Variants in RNF145 observed in about 807,000 individuals in gnomAD.
RNF145 encodes the protein ring finger protein 145.
RNF145 carries 12 observed loss-of-function variants against 57.3 expected under a neutral mutation model. The ratio of observed to expected loss-of-function variants is 0.21; its 90% CI spans 0.13 to 0.34. The LOEUF is 0.34. RNF145 is among the 10% of genes least tolerant of loss of function. The probability of loss-of-function intolerance (pLI) is 1.00; values close to 1 mark genes in which losing one functional copy is unlikely to be tolerated. For synonymous variants in RNF145, 262 were observed against 288.3 expected (o/e 0.91, Z 0.92); for missense variants, 429 against 799.0 (o/e 0.54, Z 5.58).
chr5:159,171,856 A>G (rs1784570920), intron 6 of RNF145, among the ~76,000 whole-genome samples: 1 of 152,246 alleles, frequency 6.6e-6, no homozygotes, highest in South Asian at 2.1e-4. Context: ...AACCAATATG[A>G]GAACTTCTCA....
chr5:159,168,946 C>A lies in RNF145; in HGVS notation c.1048G>T (p.Val350Leu). ...AACATAGACTGTAGGATAGAAGCTA[C>A]GACAATGAAAAGGATAATACTGAGC... ...FLLSIILFIV[V>L]ASILQSMLEI... is the part of the protein sequence containing the mutation. Residue 350 changes from valine to leucine, a missense_variant, in exon 8 of 11, where the codon GTA becomes TTA. Physicochemically the swap from Val to Leu is conservative, Grantham distance 32 (BLOSUM62 1). Around this residue, in one of 4 missense-constraint regions of RNF145, gnomAD observed 216 missense variants for 457.6 expected, o/e 0.47. Transcript: ENST00000424310. 1 of 1,608,920 alleles carries A rather than the reference C, an allele frequency of 6.2e-7. No homozygotes were observed. Among genetic ancestry groups the A allele is most frequent in the Non-Finnish European group, 8.5e-7 (1 of 1,178,636 alleles).
chr5:159,194,153 C>T (rs556472075), intron 3 of RNF145, among the ~76,000 whole-genome samples: 1 of 152,332 alleles, frequency 6.6e-6, no homozygotes, highest in East Asian at 1.9e-4. Flanking sequence ...ATTCACTCCA[C>T]ATGGCTGCAT....
chr5:159,206,718 A>G lies in RNF145; in HGVS notation c.-40+2513T>C, dbSNP rs1301137604. Among the ~76,000 whole-genome samples, 4 of 152,290 alleles carry G rather than the reference A, an allele frequency of 2.6e-5. No homozygotes were observed. The East Asian group carries it at 7.7e-4, about 29-fold the overall frequency. Reference sequence around the variant, plus strand: ...AATATTCTCTTGAAAACAAAATAATACCAAATAATCCTAGAAAATAAGCAG... The same window carrying G: ...AATATTCTCTTGAAAACAAAATAATGCCAAATAATCCTAGAAAATAAGCAG... On this transcript the variant is annotated intron_variant, in intron 1 of 10. Coordinates refer to ENST00000424310, the MANE Select transcript of RNF145 (RefSeq NM_001199383.2).
At chr5:159,160,975 T>C (rs1340068391) in intron 10 of RNF145, among the ~76,000 whole-genome samples, 1 of 152,200 alleles carries the variant, frequency 6.6e-6, no homozygotes, top group Non-Finnish European at 1.5e-5. Context: ...TGTGAGTGTG[T>C]ATTCAGGAGT....
chr5:159,187,604 G>A (rs1438815036), intron 3 of RNF145, among the ~76,000 whole-genome samples: 1 of 152,144 alleles, frequency 6.6e-6, no homozygotes, highest in African/African-American at 2.4e-5. Context: ...TGGGACTACA[G>A]GCGTGTGCCA....
At chr5:159,170,735 T>C (rs774648460) in intron 6 of RNF145, among the ~76,000 whole-genome samples, 1 of 152,154 alleles carries the variant, frequency 6.6e-6, no homozygotes, top group Admixed American at 6.5e-5. Context: ...GCTAAGACCG[T>C]AAGAGCGTGC....
intron 1 of RNF145, chr5:159,207,581 G>C (rs953020922): frequency 6.3e-7 from 1 of 1,593,920 alleles, no homozygotes; most frequent in African/African-American, 1.4e-5. Flanking sequence ...GGTTAGGATG[G>C]TAGGCCTCAC....
chr5:159,188,246 G>A (rs1378391406), intron 3 of RNF145, among the ~76,000 whole-genome samples: 2 of 152,018 alleles, frequency 1.3e-5, no homozygotes, highest in Non-Finnish European at 2.9e-5. Context: ...AATTAGCTGG[G>A]CATGGTGGCA....
In RNF145 at chr5:159,209,408, AGGCAGC is replaced by A. The variant is rs70987958; in HGVS notation, c.-223_-218del. ...TCGGATGTTGCTTCTGGGGAGGCGG[AGGCAGC>A]GGCAGCGGCAGCGGCCCGGCCCGTA... On this transcript the variant is annotated 5_prime_UTR_variant, in exon 1 of 11. Coordinates refer to ENST00000424310, the MANE Select transcript of RNF145 (RefSeq NM_001199383.2). 184,564 of 985,198 alleles carry A rather than the reference AGGCAGC, an allele frequency of 0.19. 17,851 individuals are homozygous for A. The highest frequency in any genetic ancestry group is 0.2 in the Non-Finnish European group (166,031 of 829,514). The allele number at this position is 985,198 out of a possible 1,614,324, so 61.0% of individuals were successfully genotyped here.
chr5:159,168,937 T>C lies in RNF145; in HGVS notation c.1057A>G (p.Ile353Val), dbSNP rs372287053. The change falls in exon 8 of 11, where the codon ATC (isoleucine) becomes GTC (valine). Residue 353 changes from isoleucine (I) to valine (V), a missense_variant. Coordinates refer to ENST00000424310, the MANE Select transcript of RNF145 (RefSeq NM_001199383.2). ...GCAATTTCTAACATAGACTGTAGGA[T>C]AGAAGCTACGACAATGAAAAGGATA... ...SIILFIVVAS[I>V]LQSMLEIADP... 17 of 1,606,838 alleles carry C rather than the reference T, an allele frequency of 1.1e-5. No homozygotes were observed. The African/African-American group carries it at 1.5e-4, about 14-fold the overall frequency.
chr5:159,169,467 C>T (rs1784480472), intron 7 of RNF145, among the ~76,000 whole-genome samples: 2 of 152,146 alleles, frequency 1.3e-5, no homozygotes, highest in Admixed American at 6.5e-5. Flanking sequence ...GCCCAATATT[C>T]ATCATAATGT....
rs1784484153 is a variant in RNF145, at chr5:159,169,604, A to G, written c.938+75T>C. 3 of 1,272,886 alleles carry G rather than the reference A, an allele frequency of 2.4e-6. No homozygotes were observed. In the South Asian group the frequency reaches 5.1e-5, roughly 22 times the overall value. 78.8% of individuals were successfully genotyped at this position (1,272,886 alleles called of 1,614,324 possible). A position where few individuals can be genotyped will look rare whatever the true frequency, so the allele number is the denominator to read the frequency against. On this transcript the variant is annotated intron_variant, in intron 7 of 10. Coordinates refer to ENST00000424310, the MANE Select transcript of RNF145 (RefSeq NM_001199383.2). Reference sequence around the variant, plus strand: ...CCATTTCTTCTAAAATTCATCAGCCAAAGAAATTCATCATTACTTCCTCAA... The same window carrying G: ...CCATTTCTTCTAAAATTCATCAGCCGAAGAAATTCATCATTACTTCCTCAA...
chr5:159,161,533 A>G lies in RNF145; in HGVS notation c.1359T>C (p.Tyr453=). The G allele has an allele frequency of 1.2e-6, 2 of 1,614,058 alleles. No individual in the cohort carries two copies. The highest frequency in any genetic ancestry group is 1.7e-6 in the Non-Finnish European group (2 of 1,179,950). ...PVENMDDVIY[Y]VNGTYRLLEF... is the part of the protein sequence containing the mutation. ...CCAGCAGGCGGTAAGTGCCATTCAC[A>G]TAGTAGATGACATCATCCATGTTTT... Residue 453 remains tyrosine, a synonymous_variant, in exon 10 of 11, where the codon TAT becomes TAC. Transcript: ENST00000424310.
chr5:159,186,191 C>T (rs1394324232), intron 3 of RNF145, among the ~76,000 whole-genome samples: 2 of 151,920 alleles, frequency 1.3e-5, no homozygotes, highest in Non-Finnish European at 2.9e-5. Flanking sequence ...TGCACCACTG[C>T]ACTCCAGCCT....
chr5:159,182,238 T>C (rs1212129122), intron 3 of RNF145, among the ~76,000 whole-genome samples, 187 bp from the exon 4 acceptor site: 1 of 152,098 alleles, frequency 6.6e-6, no homozygotes, highest in Non-Finnish European at 1.5e-5. Flanking sequence ...ACACAACTTA[T>C]TGAAATGGAA....
chr5:159,163,324 C>T (rs1180482276), intron 8 of RNF145, among the ~76,000 whole-genome samples: 1 of 152,204 alleles, frequency 6.6e-6, no homozygotes, highest in Non-Finnish European at 1.5e-5. Flanking sequence ...AGTTTGCTTT[C>T]AATTGCTACT....
Position 159,181,940 on chromosome 5 carries a change from A to T in RNF145, c.385+20T>A. ...ACTGGTCGGTTCCTACCTACACTTT[A>T]ATTCTTTTATAATACTTACCTATTA... On this transcript the variant is annotated intron_variant, in intron 4 of 10. Transcript: ENST00000424310. 1 of 1,416,810 alleles carries T rather than the reference A, an allele frequency of 7.1e-7. No individual in the cohort carries two copies. The highest frequency in any genetic ancestry group is 1.0e-6 in the Non-Finnish European group (1 of 1,004,798). 87.8% of individuals were successfully genotyped at this position (1,416,810 alleles called of 1,614,324 possible).
rs1279355389 is a variant in RNF145, at chr5:159,199,196, CT to C, written c.184+4237del. On this transcript the variant is annotated intron_variant, in intron 2 of 10. Coordinates refer to ENST00000424310, the MANE Select transcript of RNF145 (RefSeq NM_001199383.2). ...TGGAATCACAGAGGAAGAACATCAACTCCAGACTACAGTGGTCAAAAAGCAA... is the reference window on the plus strand; with the variant it reads ...TGGAATCACAGAGGAAGAACATCAACCCAGACTACAGTGGTCAAAAAGCAA... Among the ~76,000 whole-genome samples the C allele has an allele frequency of 2.2e-4, 33 of 152,102 alleles. 2 individuals carry two copies. The highest frequency in any genetic ancestry group is 1.9e-3 in the Admixed American group (29 of 15,272).
intron 1 of RNF145, chr5:159,207,907 G>T: frequency 6.2e-7 from 1 of 1,612,376 alleles, no homozygotes. Flanking sequence ...CGGCCGCTCA[G>T]CCTGGGTCAC....
Sources: allele counts gnomAD v4.1 joint callset (sites outside exome capture counted in the v4.1 genomes callset), GRCh38; gene constraint gnomAD v4.1.1; regional missense constraint gnomAD v4.1.1; transcripts MANE v1.5; gene names NCBI Gene and HGNC (gene_info 2026-07-23, HGNC 2026-07-21).